Variants in PXDNL observed in about 807,000 individuals in gnomAD.
PXDNL encodes probable oxidoreductase PXDNL.
A neutral mutation model predicts 150.8 loss-of-function variants in PXDNL; 145 were observed. That is an observed-to-expected ratio of 0.96 (90% CI 0.84 to 1.10). The LOEUF (loss-of-function observed/expected upper bound fraction) is 1.10. Ranked by LOEUF, PXDNL falls within the 50% of genes least tolerant of loss-of-function variation. The probability of loss-of-function intolerance (pLI) is 0.00; values close to 1 mark genes in which losing one functional copy is unlikely to be tolerated. For synonymous variants in PXDNL, 757 were observed against 725.7 expected, an observed-to-expected ratio of 1.04 and a Z score of -0.69; for missense variants, 2,087 against 1,873.9, an observed-to-expected ratio of 1.11 and a Z score of -2.10.
chr8:51,462,103 C>T (rs1402803431), intron 8 of PXDNL, among the ~76,000 whole-genome samples: 1 of 152,162 alleles, frequency 6.6e-6, no homozygotes, highest in African/African-American at 2.4e-5. Flanking sequence ...ATTCAACATA[C>T]ACCACAGTCA....
At chr8:51,368,230 A>C (rs977729742) in intron 19 of PXDNL, among the ~76,000 whole-genome samples, 1 of 152,196 alleles carries the variant, frequency 6.6e-6, no homozygotes, top group Non-Finnish European at 1.5e-5. Context: ...TTAACACCCC[A>C]ACTTTTTCCA....
intron 2 of PXDNL, among the ~76,000 whole-genome samples, chr8:51,624,124 T>G (rs1339749909): frequency 1.5e-5 from 1 of 65,502 alleles, no homozygotes. Flanking sequence ...AAAAAAAAAA[T>G]CCACACAGGT....
At chr8:51,514,467 C>G (rs780262241) in intron 4 of PXDNL, among the ~76,000 whole-genome samples, 7 of 152,176 alleles carry the variant, frequency 4.6e-5, no homozygotes, top group Non-Finnish European at 7.3e-5. Flanking sequence ...CGCGGGGCAG[C>G]AGACTCAATA....
At chr8:51,538,741 G>A (rs1812145343) in intron 4 of PXDNL, among the ~76,000 whole-genome samples, 1 of 152,068 alleles carries the variant, frequency 6.6e-6, no homozygotes, top group African/African-American at 2.4e-5. Context: ...ACTACAGTCT[G>A]GGCAACAAGA....
intron 3 of PXDNL, among the ~76,000 whole-genome samples, chr8:51,576,782 CAA>C (rs1171118708): frequency 6.6e-6 from 1 of 151,282 alleles, no homozygotes; most frequent in Non-Finnish European, 1.5e-5. Flanking sequence ...TGACAAAGAA[CAA>C]AAGAGAGAAA....
chr8:51,509,741 TAC>T (rs61492447), intron 4 of PXDNL, among the ~76,000 whole-genome samples: 2,780 of 143,058 alleles, frequency 0.019, 41 homozygotes, highest in East Asian at 0.09. Flanking sequence ...TATACATATA[TAC>T]ACACACACAC....
At chr8:51,585,600 T>C (rs1297769311) in intron 3 of PXDNL, among the ~76,000 whole-genome samples, 2 of 151,704 alleles carry the variant, frequency 1.3e-5, no homozygotes, top group Non-Finnish European at 2.9e-5. Flanking sequence ...TTTAGTAGAG[T>C]GGTAGGAATG....
At chr8:51,577,431 T>C (rs549990097) in intron 3 of PXDNL, among the ~76,000 whole-genome samples, 9 of 151,046 alleles carry the variant, frequency 6.0e-5, no homozygotes, top group Middle Eastern at 3.2e-3. Flanking sequence ...TATATGTATA[T>C]AGAGAGGGTG....
At chr8:51,747,049 G>T (rs563536936) in intron 1 of PXDNL, among the ~76,000 whole-genome samples, 13 of 152,276 alleles carry the variant, frequency 8.5e-5, no homozygotes, top group Middle Eastern at 3.4e-3. Flanking sequence ...AGTTAACAAA[G>T]CTATCAAAAA....
intron 1 of PXDNL, among the ~76,000 whole-genome samples, chr8:51,751,665 T>C (rs2037046673): frequency 6.6e-6 from 1 of 152,220 alleles, no homozygotes; most frequent in Non-Finnish European, 1.5e-5. Flanking sequence ...CATGCCCAGA[T>C]TCCACAGTGA....
intron 4 of PXDNL, among the ~76,000 whole-genome samples, chr8:51,533,463 T>C (rs545932704): frequency 6.7e-6 from 1 of 149,414 alleles, no homozygotes; most frequent in South Asian, 2.1e-4. Context: ...ATACACTGTT[T>C]AAAGTTTGAG....
At chr8:51,428,148 T>A (rs562761075) in intron 12 of PXDNL, among the ~76,000 whole-genome samples, 1 of 152,292 alleles carries the variant, frequency 6.6e-6, no homozygotes, top group South Asian at 2.1e-4. Flanking sequence ...AATAATTAGG[T>A]ATAAATTTAA....
intron 1 of PXDNL, among the ~76,000 whole-genome samples, chr8:51,754,752 C>A (rs1190056121): frequency 2.0e-5 from 3 of 152,148 alleles, no homozygotes; most frequent in Admixed American, 6.5e-5. Context: ...ATCTGCCCAT[C>A]TTGCCCTCCC....
At chr8:51,382,703 A>T (rs1409100885) in intron 17 of PXDNL, among the ~76,000 whole-genome samples, 2 of 152,224 alleles carry the variant, frequency 1.3e-5, no homozygotes, top group African/African-American at 4.8e-5. Context: ...TAAGTTAAAA[A>T]AAAAGATATA....
intron 1 of PXDNL, among the ~76,000 whole-genome samples, chr8:51,706,881 C>T (rs2130891607): frequency 6.6e-6 from 1 of 152,270 alleles, no homozygotes; most frequent in Non-Finnish European, 1.5e-5. Flanking sequence ...ACCTTTGAAG[C>T]TTCAATTCTC....
In PXDNL at chr8:51,472,206, T is replaced by C; in HGVS notation, c.793A>G (p.Ile265Val). 1 of 1,611,940 alleles carries C rather than the reference T, an allele frequency of 6.2e-7. No homozygotes were observed. Among genetic ancestry groups the C allele is most frequent in the Non-Finnish European group, 8.5e-7 (1 of 1,178,150 alleles). ...ATTTACTTGTTGTGTATCCAAATAATCTCAGGTTTGGGGTTTCCTTCCGCC... is the reference window on the plus strand; with the variant it reads ...ATTTACTTGTTGTGTATCCAAATAACCTCAGGTTTGGGGTTTCCTTCCGCC... The part of the protein sequence containing the change: ...CRAEGNPKPE[I>V]IWIHNNHSLD... The change falls in exon 8 of 23, where the codon ATT becomes GTT. Residue 265 changes from isoleucine to valine, a missense_variant. Physicochemically the swap from Ile to Val is conservative, Grantham distance 29. Transcript: ENST00000356297.
chr8:51,447,242 G>A (rs1809697571), intron 11 of PXDNL, 80 bp from the exon 12 acceptor site: 1 of 1,452,612 alleles, frequency 6.9e-7, no homozygotes, highest in Non-Finnish European at 9.4e-7. Flanking sequence ...TGGCTAAAGG[G>A]TGAGGCCTGT....
chr8:51,665,399 T>C (rs1022977697), intron 1 of PXDNL, among the ~76,000 whole-genome samples: 4 of 152,210 alleles, frequency 2.6e-5, no homozygotes, highest in East Asian at 1.9e-4. Context: ...TAGTGGCTAA[T>C]AAGTGCTTGT....
intron 17 of PXDNL, among the ~76,000 whole-genome samples, chr8:51,396,455 C>A (rs1808084956): frequency 6.6e-6 from 1 of 152,204 alleles, no homozygotes; most frequent in African/African-American, 2.4e-5. Flanking sequence ...AAACATCAAT[C>A]TGGGATTTAA....
Sources: gnomAD v4.1 joint callset for allele counts (sites outside exome capture counted in the v4.1 genomes callset) on GRCh38, gnomAD v4.1.1 for gene constraint, MANE v1.5 for transcripts, NCBI Gene and HGNC (gene_info 2026-07-23, HGNC 2026-07-21) for gene names.